RHOBTB1: variants seen among roughly 807,000 people sequenced by gnomAD.
The protein encoded by RHOBTB1 is rho-related BTB domain-containing protein 1.
A neutral mutation model predicts 71.6 loss-of-function variants in RHOBTB1; 40 were observed. The observed-to-expected ratio is 0.56, with a 90% CI of 0.43 to 0.73. The LOEUF (loss-of-function observed/expected upper bound fraction) is 0.73, where lower values mean the gene tolerates loss of function less well. Ranked by LOEUF, RHOBTB1 falls within the 30% of genes least tolerant of loss-of-function variation. RHOBTB1 has a pLI of 0.00. For missense variants in RHOBTB1, 797 were observed against 894.0 expected (o/e 0.89, Z 1.38); for synonymous variants, 319 against 334.9 (o/e 0.95, Z 0.52).
intron 4 of RHOBTB1, among the ~76,000 whole-genome samples, chr10:60,905,351 G>T (rs1383346318): frequency 6.7e-6 from 1 of 149,746 alleles, no homozygotes; most frequent in Non-Finnish European, 1.5e-5. Flanking sequence ...TTGGGAGGCT[G>T]AGGCAGGAGA....
intron 2 of RHOBTB1, among the ~76,000 whole-genome samples, chr10:60,963,558 T>C (rs567365953): frequency 1.3e-5 from 2 of 152,268 alleles, no homozygotes; most frequent in Non-Finnish European, 2.9e-5. Flanking sequence ...TCCCTTTGTC[T>C]ATCTAGGAAG....
intron 2 of RHOBTB1, among the ~76,000 whole-genome samples, chr10:60,967,112 C>G (rs1338832069): frequency 6.6e-6 from 1 of 151,954 alleles, no homozygotes; most frequent in African/African-American, 2.4e-5. Context: ...TGAGGAGGCA[C>G]TGACTCTAGG....
intron 8 of RHOBTB1, 53 bp from the exon 9 acceptor site, chr10:60,875,095 G>A: frequency 7.2e-7 from 1 of 1,383,488 alleles, no homozygotes; most frequent in Non-Finnish European, 1.0e-6. Context: ...TGCGAGCCAG[G>A]TAGCTTGCCT....
intron 2 of RHOBTB1, among the ~76,000 whole-genome samples, chr10:60,985,321 A>T (rs2086626538): frequency 6.6e-6 from 1 of 152,162 alleles, no homozygotes; most frequent in African/African-American, 2.4e-5. Context: ...CCTTTTTTCA[A>T]AAGCTGATTT....
chr10:60,914,650 T>TCATAG (rs1361798776), intron 2 of RHOBTB1, among the ~76,000 whole-genome samples: 1 of 152,170 alleles, frequency 6.6e-6, no homozygotes, highest in Admixed American at 6.5e-5. Context: ...ATAAGCTGAA[T>TCATAG]CATAGCAGCA....
chr10:60,976,937 T>C (rs1274488215), intron 2 of RHOBTB1, among the ~76,000 whole-genome samples: 1 of 151,990 alleles, frequency 6.6e-6, no homozygotes, highest in Non-Finnish European at 1.5e-5. Context: ...TCTTTAGACT[T>C]TATCAGAAAC....
At chr10:60,874,167 C>T (rs2080933472) in intron 9 of RHOBTB1, among the ~76,000 whole-genome samples, 1 of 152,206 alleles carries the variant, frequency 6.6e-6, no homozygotes, top group Non-Finnish European at 1.5e-5. Context: ...GGAAGCCAAA[C>T]CCAACAGGCC....
chr10:60,997,822 G>A (rs550957276), intron 1 of RHOBTB1, among the ~76,000 whole-genome samples: 4 of 152,184 alleles, frequency 2.6e-5, no homozygotes, highest in African/African-American at 9.7e-5. Context: ...GCAACCTAAG[G>A]CTCTTTTGAA....
At chr10:60,964,503 C>T (rs2085893286) in intron 2 of RHOBTB1, among the ~76,000 whole-genome samples, 1 of 152,134 alleles carries the variant, frequency 6.6e-6, no homozygotes, top group African/African-American at 2.4e-5. Flanking sequence ...CTTTACATTG[C>T]ATGCTTTTCT....
At chr10:60,979,089 A>G (rs2086409040) in intron 2 of RHOBTB1, among the ~76,000 whole-genome samples, 1 of 152,166 alleles carries the variant, frequency 6.6e-6, no homozygotes, top group South Asian at 2.1e-4. Flanking sequence ...TTCTCGAACC[A>G]GGTTCAAGGC....
intron 1 of RHOBTB1, chr10:60,986,006 C>T (rs2086648426): frequency 6.6e-6 from 1 of 152,094 alleles, no homozygotes; most frequent in Non-Finnish European, 1.5e-5. Flanking sequence ...ACCACTCAAA[C>T]AATATTAGTT....
chr10:61,000,195 C>A (rs187563961), intron 1 of RHOBTB1, among the ~76,000 whole-genome samples: 1 of 152,240 alleles, frequency 6.6e-6, no homozygotes, highest in African/African-American at 2.4e-5. Flanking sequence ...TTTAAATTGC[C>A]AATACATGAA....
At position 60,875,010 on chromosome 10, in the gene RHOBTB1, C is replaced by T. The variant is rs749811459; in HGVS notation, c.1759G>A (p.Ala587Thr). Reference protein sequence around the residue: ...QHAVQELTKAATSGVGIDGEV... With the variant: ...QHAVQELTKATTSGVGIDGEV... Reference sequence around the variant, plus strand: ...CCGTCAATGCCCACGCCACTCGTGGCGGCTTTGGTCAACTCCTGAACGGCA... The same window carrying T: ...CCGTCAATGCCCACGCCACTCGTGGTGGCTTTGGTCAACTCCTGAACGGCA... The change falls in exon 9 of 11, where the codon GCC becomes ACC. Residue 587 changes from alanine (A) to threonine (T), a missense_variant. Around this residue, in one of 2 missense-constraint regions of RHOBTB1, gnomAD observed 658 missense variants for 681.5 expected, o/e 0.97. Coordinates refer to ENST00000337910, the MANE Select transcript of RHOBTB1 (RefSeq NM_014836.5). The T allele has an allele frequency of 1.7e-5, 27 of 1,613,942 alleles. No individual in the cohort carries two copies. Among genetic ancestry groups the T allele is most frequent in the South Asian group, 3.3e-5 (3 of 91,088 alleles).
chr10:60,864,129 C>T, the RHOBTB1 span, among the ~76,000 whole-genome samples: 2 of 152,164 alleles, frequency 1.3e-5, 1 homozygote, highest in South Asian at 4.1e-4. Context: ...CTTGGCTTCT[C>T]ACCCTTTCCA....
intron 2 of RHOBTB1, among the ~76,000 whole-genome samples, chr10:60,973,528 C>G (rs1361672326): frequency 6.6e-6 from 1 of 151,916 alleles, no homozygotes. Context: ...ATCATAGAAA[C>G]ATCAGAACTA....
intron 4 of RHOBTB1, 88 bp from the exon 5 acceptor site, chr10:60,893,083 T>A: frequency 1.1e-6 from 1 of 921,968 alleles, no homozygotes; most frequent in Non-Finnish European, 1.7e-6. Context: ...CCCATCCTTC[T>A]AATGCCATCT....
chr10:60,926,290 C>G (rs1413510865), intron 2 of RHOBTB1, among the ~76,000 whole-genome samples: 1 of 152,096 alleles, frequency 6.6e-6, no homozygotes, highest in Non-Finnish European at 1.5e-5. Context: ...CTGCTAAACT[C>G]TACCAAACAC....
chr10:60,890,527 C>T lies in RHOBTB1; in HGVS notation c.483-1342G>A, dbSNP rs12251789. Among the ~76,000 whole-genome samples, 408 of 152,218 alleles carry T rather than the reference C, an allele frequency of 2.7e-3. 1 individual carries two copies. The highest frequency in any genetic ancestry group is 9.3e-3 in the African/African-American group (386 of 41,504). ...ATGCAGTACAGTGCTGGGGTTATGG[C>T]ATAACCATGGCAAAGGCATAGATGG... On this transcript the variant is annotated intron_variant, in intron 5 of 10. Transcript: ENST00000337910.
chr10:60,892,673 A>C (rs1204220244), intron 5 of RHOBTB1, 137 bp downstream of exon 5: 7 of 673,976 alleles, frequency 1.0e-5, no homozygotes, highest in African/African-American at 1.8e-5. Flanking sequence ...CTCATGATTT[A>C]TGGGCTGACT....
Sources: gnomAD v4.1 joint callset for allele counts (sites outside exome capture counted in the v4.1 genomes callset) on GRCh38, gnomAD v4.1.1 for gene constraint, gnomAD v4.1.1 regional missense constraint, MANE v1.5 for transcripts, NCBI Gene and HGNC (gene_info 2026-07-23, HGNC 2026-07-21) for gene names.